Variants in GRIK2 observed in about 807,000 individuals in gnomAD.
GRIK2 encodes glutamate receptor ionotropic, kainate 2.
Under a neutral mutation model 100.3 loss-of-function variants are expected in GRIK2, and 32 were observed. That is an observed-to-expected ratio of 0.32 (90% CI 0.24 to 0.43). GRIK2 has a LOEUF of 0.43. Ranked by LOEUF, GRIK2 falls within the 20% of genes least tolerant of loss-of-function variation. The probability of loss-of-function intolerance (pLI) is 1.00; values close to 1 mark genes in which losing one functional copy is unlikely to be tolerated. For synonymous variants in GRIK2, 417 were observed against 389.4 expected, an observed-to-expected ratio of 1.07 and a Z score of -0.83; for missense variants, 843 against 1,114.9, an observed-to-expected ratio of 0.76 and a Z score of 3.47.
At chr6:101,807,670 T>TG (rs781293846) in intron 9 of GRIK2, among the ~76,000 whole-genome samples, 3 of 151,814 alleles carry the variant, frequency 2.0e-5, no homozygotes, top group African/African-American at 4.8e-5. Context: ...TAATGGGTTT[T>TG]GGGGGGCACA....
intron 2 of GRIK2, among the ~76,000 whole-genome samples, chr6:101,457,481 T>C (rs1310164806): frequency 6.6e-6 from 1 of 152,176 alleles, no homozygotes; most frequent in Admixed American, 6.5e-5. Flanking sequence ...ATGTAATCTT[T>C]ATTGGCCAAG....
At chr6:101,559,732 T>C (rs1776912047) in intron 2 of GRIK2, among the ~76,000 whole-genome samples, 1 of 152,088 alleles carries the variant, frequency 6.6e-6, no homozygotes, top group Admixed American at 6.6e-5. Flanking sequence ...TCCTTGAGTC[T>C]CTTTCCCTTT....
intron 2 of GRIK2, among the ~76,000 whole-genome samples, chr6:101,441,607 G>A (rs1770064714): frequency 6.6e-6 from 1 of 152,132 alleles, no homozygotes. Flanking sequence ...GCTTAATGAA[G>A]TTAGGAGTCT....
chr6:101,812,058 G>T (rs1295029131), intron 9 of GRIK2, among the ~76,000 whole-genome samples: 5 of 150,960 alleles, frequency 3.3e-5, no homozygotes, highest in Non-Finnish European at 7.4e-5. Flanking sequence ...AGGAAAAAAT[G>T]GAAATTCATA....
chr6:102,032,463 G>T (rs1770051582), intron 14 of GRIK2, among the ~76,000 whole-genome samples: 1 of 151,158 alleles, frequency 6.6e-6, no homozygotes, highest in Non-Finnish European at 1.5e-5. Flanking sequence ...GTCAGAAGGA[G>T]CCTGCCTAAA....
At chr6:101,820,636 G>A (rs891481167) in intron 10 of GRIK2, among the ~76,000 whole-genome samples, 3 of 152,104 alleles carry the variant, frequency 2.0e-5, no homozygotes, top group African/African-American at 7.2e-5. Context: ...TAGAGATGGG[G>A]TTTCACCATA....
At chr6:101,445,642 G>T (rs1770332310) in intron 2 of GRIK2, among the ~76,000 whole-genome samples, 1 of 151,856 alleles carries the variant, frequency 6.6e-6, no homozygotes, top group Non-Finnish European at 1.5e-5. Flanking sequence ...TGTGTCTTTT[G>T]TAATGGGCAA....
intron 15 of GRIK2, among the ~76,000 whole-genome samples, chr6:102,038,987 TGA>T (rs1286756182): frequency 6.6e-6 from 1 of 151,390 alleles, no homozygotes. Flanking sequence ...GGAAATATTA[TGA>T]GTCTTTTTGA....
intron 2 of GRIK2, among the ~76,000 whole-genome samples, chr6:101,514,837 G>T (rs186980138): frequency 1.3e-5 from 2 of 152,158 alleles, no homozygotes; most frequent in East Asian, 3.9e-4. Flanking sequence ...AAAACGACAT[G>T]GTATAATTTT....
intron 14 of GRIK2, among the ~76,000 whole-genome samples, chr6:101,947,364 T>C (rs1791344715): frequency 6.6e-6 from 1 of 152,176 alleles, no homozygotes; most frequent in South Asian, 2.1e-4. Context: ...GAATTAAACA[T>C]TTTAAAATGT....
rs553494240 is a variant in GRIK2 at position 101,613,552 on chromosome 6, A to T, written c.116-8397A>T. On this transcript the variant is annotated intron_variant, in intron 2 of 16. Transcript: ENST00000369134. ...AAAGATATTAATCAGGGATACTTGT[A>T]AAAAAATTTTAAAAAAGTACATCAC... is the stretch of plus-strand genomic sequence containing the variant. Among the ~76,000 whole-genome samples, 35 of 151,900 alleles carry T rather than the reference A, an allele frequency of 2.3e-4. No individual in the cohort carries two copies. The South Asian group carries it at 7.3e-3, about 31-fold the overall frequency.
chr6:101,941,174 A>G (rs1466370773), intron 14 of GRIK2, among the ~76,000 whole-genome samples: 2 of 152,102 alleles, frequency 1.3e-5, no homozygotes, highest in Non-Finnish European at 2.9e-5. Context: ...ATTGAAATGC[A>G]TACTATTATT....
intron 6 of GRIK2, 61 bp downstream of exon 6, chr6:101,682,667 A>G: frequency 3.9e-6 from 3 of 764,436 alleles, no homozygotes; most frequent in Non-Finnish European, 6.7e-6. Context: ...TTCAGATGAA[A>G]AATAGGTTTT....
intron 11 of GRIK2, among the ~76,000 whole-genome samples, chr6:101,865,939 T>C (rs1308464122): frequency 6.6e-6 from 1 of 150,590 alleles, no homozygotes; most frequent in Admixed American, 6.6e-5. Flanking sequence ...AAAAAAAAAT[T>C]ACAACCAACA....
chr6:101,900,402 A>G (rs1419343102), intron 12 of GRIK2, among the ~76,000 whole-genome samples: 1 of 152,006 alleles, frequency 6.6e-6, no homozygotes, highest in African/African-American at 2.4e-5. Flanking sequence ...AGGCAGAGGT[A>G]GCGGTGAGCC....
chr6:101,736,331 G>A (rs1444503788), intron 7 of GRIK2, among the ~76,000 whole-genome samples: 1 of 152,186 alleles, frequency 6.6e-6, no homozygotes, highest in African/African-American at 2.4e-5. Context: ...CTGTGTGGAT[G>A]TTCCGACCCA....
intron 16 of GRIK2, among the ~76,000 whole-genome samples, chr6:102,057,749 A>G (rs2852617): frequency 0.39 from 58,396 of 151,598 alleles, 11,598 homozygotes; most frequent in Middle Eastern, 0.46. Context: ...GCTCCTCTCC[A>G]ATTTGCACCT....
intron 12 of GRIK2, among the ~76,000 whole-genome samples, chr6:101,922,275 C>T (rs1054490417): frequency 2.0e-5 from 3 of 152,062 alleles, no homozygotes; most frequent in Non-Finnish European, 4.4e-5. Context: ...AACCACGTCT[C>T]ATTCCTCTCA....
intron 2 of GRIK2, among the ~76,000 whole-genome samples, chr6:101,405,918 A>C (rs1459572858): frequency 6.6e-6 from 1 of 152,232 alleles, no homozygotes; most frequent in Non-Finnish European, 1.5e-5. Context: ...CAATTTTGAA[A>C]AAAGCTTTTA....
Sources: allele counts gnomAD v4.1 joint callset (sites outside exome capture counted in the v4.1 genomes callset), GRCh38; gene constraint gnomAD v4.1.1; transcripts MANE v1.5; gene names NCBI Gene and HGNC (gene_info 2026-07-23, HGNC 2026-07-21).